Variants in SUGCT observed in about 807,000 individuals in gnomAD.
SUGCT encodes succinyl-CoA:glutarate-CoA transferase.
In SUGCT, 41 loss-of-function variants were observed where a neutral mutation model predicts 55.0. That is an observed-to-expected ratio of 0.74 (90% CI 0.58 to 0.97). SUGCT has a LOEUF of 0.97. Among genes scored for constraint, SUGCT ranks in the 50% least tolerant of loss-of-function variants. The probability of loss-of-function intolerance (pLI) is 0.00; values close to 1 mark genes in which losing one functional copy is unlikely to be tolerated. For synonymous variants in SUGCT, 187 were observed against 200.4 expected, an observed-to-expected ratio of 0.93 and a Z score of 0.56; for missense variants, 568 against 547.8, an observed-to-expected ratio of 1.04 and a Z score of -0.37.
the SUGCT span, among the ~76,000 whole-genome samples, chr7:41,016,719 A>G: frequency 6.6e-6 from 1 of 152,154 alleles, no homozygotes; most frequent in Non-Finnish European, 1.5e-5. Flanking sequence ...TGTCTAGATA[A>G]GATGCCTTGG....
At chr7:40,999,139 G>A in the SUGCT span, among the ~76,000 whole-genome samples, 2 of 151,924 alleles carry the variant, frequency 1.3e-5, no homozygotes, top group Non-Finnish European at 2.9e-5. Flanking sequence ...CCTGGAGATC[G>A]ATCTTCATAA....
chr7:40,991,990 T>A, the SUGCT span, among the ~76,000 whole-genome samples: 1 of 152,030 alleles, frequency 6.6e-6, no homozygotes, highest in African/African-American at 2.4e-5. Context: ...TCTTTCTTGC[T>A]GCAAGAAAGA....
chr7:40,568,593 A>T (rs549427981), intron 12 of SUGCT, among the ~76,000 whole-genome samples: 2 of 152,306 alleles, frequency 1.3e-5, no homozygotes, highest in South Asian at 4.1e-4. Flanking sequence ...GTTGGTGGTG[A>T]CATGGCCTGT....
chr7:40,531,702 C>T (rs1794097994), intron 12 of SUGCT, among the ~76,000 whole-genome samples: 1 of 151,816 alleles, frequency 6.6e-6, no homozygotes, highest in East Asian at 1.9e-4. Context: ...AAATGGGATT[C>T]TCGCTCTGTC....
chr7:40,762,444 A>G (rs962896492), intron 13 of SUGCT, among the ~76,000 whole-genome samples: 2 of 152,228 alleles, frequency 1.3e-5, no homozygotes, highest in African/African-American at 4.8e-5. Flanking sequence ...TAAATACCCA[A>G]TTAATTGCCT....
At chr7:40,544,132 GTTT>G (rs36008782) in intron 12 of SUGCT, among the ~76,000 whole-genome samples, 5 of 137,408 alleles carry the variant, frequency 3.6e-5, no homozygotes, top group Admixed American at 7.3e-5. Context: ...AAGGTGGGAG[GTTT>G]TTTTTTTTTT....
intron 12 of SUGCT, among the ~76,000 whole-genome samples, chr7:40,655,289 G>A (rs1261590933): frequency 7.0e-6 from 1 of 143,300 alleles, no homozygotes; most frequent in Non-Finnish European, 1.5e-5. Flanking sequence ...GGGAGATCCT[G>A]TCTCAAAAAA....
rs181040581 is a variant in SUGCT at position 40,147,672 on chromosome 7, G to A, written c.100+12552G>A. On this transcript the variant is annotated intron_variant, in intron 1 of 13. Coordinates refer to ENST00000335693, the MANE Select transcript of SUGCT (RefSeq NM_001193313.2). Reference sequence around the variant, plus strand: ...CTAGGTTGCTGGCCAGTTTCTCTCCGCGTTGCTGAGAGCTCGGGTTATTCC... The same window carrying A: ...CTAGGTTGCTGGCCAGTTTCTCTCCACGTTGCTGAGAGCTCGGGTTATTCC... Among the ~76,000 whole-genome samples, 7 of 152,272 alleles carry A rather than the reference G, an allele frequency of 4.6e-5. No homozygotes were observed. The East Asian group carries it at 9.7e-4, about 21-fold the overall frequency.
At chr7:40,347,237 G>A (rs1007414398) in intron 9 of SUGCT, among the ~76,000 whole-genome samples, 3 of 152,192 alleles carry the variant, frequency 2.0e-5, no homozygotes, top group African/African-American at 7.2e-5. Flanking sequence ...TTTTCTTAGA[G>A]AATACATAGA....
At chr7:40,943,261 A>G in the SUGCT span, among the ~76,000 whole-genome samples, 1 of 150,158 alleles carries the variant, frequency 6.7e-6, no homozygotes, top group Non-Finnish European at 1.5e-5. Flanking sequence ...TGAAGATGTG[A>G]CTTTATTTTA....
chr7:40,217,768 T>G (rs138470044), intron 6 of SUGCT, among the ~76,000 whole-genome samples: 1 of 152,210 alleles, frequency 6.6e-6, no homozygotes, highest in Non-Finnish European at 1.5e-5. Context: ...AGGTTACCCT[T>G]GGAACATCTT....
chr7:40,192,221 T>C (rs1166399581), intron 5 of SUGCT, among the ~76,000 whole-genome samples: 2 of 152,000 alleles, frequency 1.3e-5, no homozygotes, highest in Non-Finnish European at 2.9e-5. Flanking sequence ...TTCCAAAGTA[T>C]TACACAAGGC....
chr7:40,272,665 T>TTTA, intron 7 of SUGCT, among the ~76,000 whole-genome samples: 1 of 123,952 alleles, frequency 8.1e-6, no homozygotes, highest in African/African-American at 2.8e-5. Flanking sequence ...ATTATTATTA[T>TTTA]TTTTTTTTTT....
chr7:40,271,991 T>C (rs1792050589), intron 7 of SUGCT, among the ~76,000 whole-genome samples: 2 of 151,020 alleles, frequency 1.3e-5, no homozygotes, highest in African/African-American at 4.9e-5. Flanking sequence ...GACATCCATA[T>C]TGTTGCAAAT....
chr7:40,914,261 T>TTTTTTTC, the SUGCT span, among the ~76,000 whole-genome samples: 3,125 of 81,822 alleles, frequency 0.038, 115 homozygotes, highest in African/African-American at 0.14. Context: ...ATTTTATTTA[T>TTTTTTTC]TTATTTTTTT....
chr7:40,818,968 C>T (rs1381548562), intron 13 of SUGCT, among the ~76,000 whole-genome samples: 3 of 135,164 alleles, frequency 2.2e-5, no homozygotes, highest in African/African-American at 8.4e-5. Context: ...TCCAAGTGTT[C>T]TCATTGTTCA....
In SUGCT at chr7:40,671,839, C is replaced by T. The variant is rs531198091; in HGVS notation, c.1090-77595C>T. Among the ~76,000 whole-genome samples the T allele has an allele frequency of 4.1e-4, 62 of 152,184 alleles. No homozygotes were observed. In the Middle Eastern group the frequency reaches 0.014, roughly 33 times the overall value. On this transcript the variant is annotated intron_variant, in intron 12 of 13. Coordinates refer to ENST00000335693, the MANE Select transcript of SUGCT (RefSeq NM_001193313.2). The stretch of plus-strand genomic sequence containing the variant: ...CAAGCAAAACATAAACAAGCTTATT[C>T]TAAATGTTTTATTTAGAGGCAAAGG...
the SUGCT span, among the ~76,000 whole-genome samples, chr7:40,952,052 G>C: frequency 6.6e-6 from 1 of 152,132 alleles, no homozygotes; most frequent in Non-Finnish European, 1.5e-5. Flanking sequence ...TGGCAGTGGG[G>C]TGTTAAAGTC....
At chr7:40,486,903 T>G (rs1463000229) in intron 11 of SUGCT, among the ~76,000 whole-genome samples, 2 of 151,896 alleles carry the variant, frequency 1.3e-5, no homozygotes, top group Non-Finnish European at 2.9e-5. Flanking sequence ...ACTTTTTTTT[T>G]TCTGTAGAAA....
Sources: gnomAD v4.1 joint callset for allele counts (sites outside exome capture counted in the v4.1 genomes callset) on GRCh38, gnomAD v4.1.1 for gene constraint, MANE v1.5 for transcripts, NCBI Gene and HGNC (gene_info 2026-07-23, HGNC 2026-07-21) for gene names.